FNDC11: variants seen among roughly 807,000 people sequenced by gnomAD.
The protein encoded by FNDC11 is fibronectin type III domain-containing protein 11.
FNDC11 carries 15 observed loss-of-function variants against 15.8 expected under a neutral mutation model. The ratio of observed to expected loss-of-function variants is 0.95; its 90% CI spans 0.63 to 1.46. The LOEUF (loss-of-function observed/expected upper bound fraction) is 1.46, where lower values mean the gene tolerates loss of function less well. Ranked by LOEUF, FNDC11 falls within the 40% of genes most tolerant of loss-of-function variation. The probability of loss-of-function intolerance (pLI) is 0.00; values close to 1 mark genes in which losing one functional copy is unlikely to be tolerated. For synonymous variants in FNDC11, 190 were observed against 203.1 expected (o/e 0.94, Z 0.55); for missense variants, 416 against 443.4 (o/e 0.94, Z 0.55).
At chr20:63,555,610 G>T in intron 1 of FNDC11, 44 bp from the exon 2 acceptor site, 3 of 1,547,762 alleles carry the variant, frequency 1.9e-6, no homozygotes, top group Non-Finnish European at 1.7e-6. Flanking sequence ...ACAGCCCAGG[G>T]GAGGCCAGCC....
upstream of FNDC11, chr20:63,553,698 G>A (rs999919666): frequency 6.4e-6 from 1 of 155,338 alleles, no homozygotes; most frequent in Non-Finnish European, 1.4e-5. Context: ...TCTGTAATGG[G>A]CGGGGCCTTG....
Position 63,555,837 on chromosome 20 carries a change from G to T in FNDC11, c.174G>T (p.Pro58=). Residue 58 remains proline, a synonymous_variant, in exon 2 of 2, where the codon CCG becomes CCT. Coordinates refer to ENST00000370097, the MANE Select transcript of FNDC11 (RefSeq NM_001319152.2). ...AGTTCCTGACCTCGGACCTGAGTCC[G>T]CACCTGCTCAAGCGCCACCACGCCC... ...LREFLTSDLS[P]HLLKRHHARM... is the part of the protein sequence containing the mutation. 6.2e-7 allele frequency: 1 copy of T among 1,613,304 alleles called. No individual in the cohort carries two copies.
At chr20:63,553,560 CGGTG>C (rs2082777806), upstream of FNDC11, among the ~76,000 whole-genome samples, 1 of 37,396 alleles carries the variant, frequency 2.7e-5, no homozygotes, top group Non-Finnish European at 4.4e-5. Flanking sequence ...GGGGAGCCCG[CGGTG>C]GGAGGAGCCT....
upstream of FNDC11, among the ~76,000 whole-genome samples, chr20:63,553,354 T>C (rs992785096): frequency 1.8e-5 from 2 of 113,282 alleles, no homozygotes; most frequent in Non-Finnish European, 3.7e-5. Context: ...GGGAGGAGCC[T>C]GTAGTGGGAG....
upstream of FNDC11, among the ~76,000 whole-genome samples, chr20:63,553,520 AGGAGCCTG>A (rs2082777047): frequency 3.2e-5 from 2 of 62,306 alleles, no homozygotes; most frequent in African/African-American, 1.0e-4. Flanking sequence ...CTGCTCTGGG[AGGAGCCTG>A]TGGTGGGAGG....
chr20:63,555,540 C>T lies in FNDC11; in HGVS notation c.-10-114C>T, dbSNP rs2082799380. 5.6e-6 allele frequency: 8 copies of T among 1,431,830 alleles called. 1 individual carries two copies. Among genetic ancestry groups the T allele is most frequent in the South Asian group, 2.9e-5 (2 of 67,844 alleles). The allele number at this position is 1,431,830 out of a possible 1,614,324, so 88.7% of individuals were successfully genotyped here. ...GCCTCTTCCCATCGAGTTGTGCCCC[C>T]GAAGAAGGACAGAGGTCCAGCATGG... On this transcript the variant is annotated intron_variant, in intron 1 of 1. Coordinates refer to ENST00000370097, the MANE Select transcript of FNDC11 (RefSeq NM_001319152.2).
At chr20:63,553,181 CG>C (rs1328698137), upstream of FNDC11, 4 of 152,814 alleles carry the variant, frequency 2.6e-5, no homozygotes, top group Non-Finnish European at 5.8e-5. Flanking sequence ...TGTGGGGGAA[CG>C]GGGGGATCCC....
At position 63,556,157 on chromosome 20, in the gene FNDC11, A is replaced by G. The variant is rs772460893; in HGVS notation, c.494A>G (p.Asp165Gly). 3 of 1,594,484 alleles carry G rather than the reference A, an allele frequency of 1.9e-6. No homozygotes were observed. In the Admixed American group the frequency reaches 5.0e-5, roughly 27 times the overall value. ...DWALVERRLA[D>G]VSAVMDSFLT... ...GCGCTGGTGGAGCGGCGGCTGGCGG[A>G]CGTGTCGGCCGTCATGGACAGCTTC... The change falls in exon 2 of 2, where the codon GAC becomes GGC. Residue 165 changes from aspartate to glycine, a missense_variant. Asp to Gly is a moderately conservative substitution (Grantham distance 94). Coordinates refer to ENST00000370097, the MANE Select transcript of FNDC11 (RefSeq NM_001319152.2).
At chr20:63,554,989 G>A (rs1212696748) in intron 1 of FNDC11, 4 of 152,428 alleles carry the variant, frequency 2.6e-5, no homozygotes, top group Non-Finnish European at 4.4e-5. Flanking sequence ...CAAGAACCAA[G>A]CTTCTTAGCC....
chr20:63,553,366 A>G (rs1444935226), upstream of FNDC11, among the ~76,000 whole-genome samples: 2 of 143,614 alleles, frequency 1.4e-5, no homozygotes, highest in African/African-American at 5.2e-5. Flanking sequence ...TAGTGGGAGG[A>G]GCCTGTAGTG....
chr20:63,553,161 T>C (rs1027756335), upstream of FNDC11: 1 of 152,586 alleles, frequency 6.6e-6, no homozygotes, highest in African/African-American at 2.4e-5. Context: ...CCCAGCTAGC[T>C]GGGGTGTGCT....
intron 1 of FNDC11, chr20:63,554,758 T>G (rs2082792079): frequency 6.6e-6 from 1 of 152,278 alleles, no homozygotes; most frequent in African/African-American, 2.4e-5. Flanking sequence ...CCTGGGGAAC[T>G]CAGCAACTGC....
In FNDC11 at chr20:63,555,819, G is replaced by A; in HGVS notation, c.156G>A (p.Leu52=). Residue 52 remains leucine (L), a synonymous_variant, in exon 2 of 2, where the codon CTG becomes CTA. Transcript: ENST00000370097. ...TERRNALREF[L]TSDLSPHLLK... ...GCCGCAATGCCCTGCGTGAGTTCCT[G>A]ACCTCGGACCTGAGTCCGCACCTGC... 1 of 1,613,564 alleles carries A rather than the reference G, an allele frequency of 6.2e-7. No individual in the cohort carries two copies. The highest frequency in any genetic ancestry group is 2.2e-5 in the East Asian group (1 of 44,878).
At chr20:63,555,249 C>A (rs763304631) in intron 1 of FNDC11, 6 of 182,558 alleles carry the variant, frequency 3.3e-5, no homozygotes, top group Non-Finnish European at 5.8e-5. Flanking sequence ...GGATGGCCCG[C>A]GAATGTCCCC....
Position 63,556,295 on chromosome 20 carries a change from T to C in FNDC11, c.632T>C (p.Val211Ala). Reference protein sequence around the residue: ...WLMLSTKMPVVFDRKASAAHQ... With the variant: ...WLMLSTKMPVAFDRKASAAHQ... ...ATGCTGAGCACCAAGATGCCTGTCGTGTTTGACCGAAAGGCGTCGGCGGCT... is the reference window on the plus strand; with the variant it reads ...ATGCTGAGCACCAAGATGCCTGTCGCGTTTGACCGAAAGGCGTCGGCGGCT... Residue 211 changes from valine to alanine, a missense_variant, in exon 2 of 2, where the codon GTG becomes GCG. Val to Ala is a moderately conservative substitution (Grantham distance 64). Transcript: ENST00000370097. 2 of 1,603,966 alleles carry C rather than the reference T, an allele frequency of 1.2e-6. No individual in the cohort carries two copies. The highest frequency in any genetic ancestry group is 1.7e-6 in the Non-Finnish European group (2 of 1,172,462).
In FNDC11 at chr20:63,556,179, C is replaced by T. The variant is rs751576851; in HGVS notation, c.516C>T (p.Ser172=). 1.4e-5 allele frequency: 22 copies of T among 1,597,622 alleles called. No homozygotes were observed. Among genetic ancestry groups the T allele is most frequent in the Non-Finnish European group, 1.9e-5 (22 of 1,171,246 alleles). The change falls in exon 2 of 2, where the codon AGC becomes AGT. Residue 172 remains serine, a synonymous_variant. Coordinates refer to ENST00000370097, the MANE Select transcript of FNDC11 (RefSeq NM_001319152.2). ...CGGACGTGTCGGCCGTCATGGACAG[C>T]TTCCTGACCATGATGGTGCCGGGGC... is the stretch of plus-strand genomic sequence containing the variant. ...RLADVSAVMD[S]FLTMMVPGRL...
Position 63,556,325 on chromosome 20 carries a change from A to G in FNDC11, c.662A>G (p.Gln221Arg). The G allele has an allele frequency of 6.2e-7, 1 of 1,609,900 alleles. No homozygotes were observed. The highest frequency in any genetic ancestry group is 8.5e-7 in the Non-Finnish European group (1 of 1,177,498). Residue 221 changes from glutamine (Q) to arginine (R), a missense_variant, in exon 2 of 2, where the codon CAG becomes CGG. Gln to Arg is a conservative substitution (Grantham distance 43, BLOSUM62 1). Transcript: ENST00000370097. ...GACCGAAAGGCGTCGGCGGCTCACC[A>G]GGACTGGGCCCGGCTGCGCTGGTTC... ...VFDRKASAAHQDWARLRWFVT... is the reference protein window; with the variant it reads ...VFDRKASAAHRDWARLRWFVT...
rs942710906 is a variant in FNDC11 at position 63,556,679 on chromosome 20, T to C, written c.*59T>C. On this transcript the variant is annotated 3_prime_UTR_variant, in exon 2 of 2. Coordinates refer to ENST00000370097, the MANE Select transcript of FNDC11 (RefSeq NM_001319152.2). The stretch of plus-strand genomic sequence containing the variant: ...GAAGAGTGTAAATGCACATATGGAA[T>C]TAAAGAAGCAAACCTATTTATGTTT... The C allele has an allele frequency of 1.8e-5, 26 of 1,463,766 alleles. 1 individual carries two copies. The South Asian group carries it at 3.2e-4, about 18-fold the overall frequency. 90.7% of individuals were successfully genotyped at this position (1,463,766 alleles called of 1,614,324 possible).
rs375992607 is a variant in FNDC11, at chr20:63,555,797, G to A, written c.134G>A (p.Arg45His). ...PEAWKTYTER[R>H]NALREFLTSD... ...GCGTGGAAGACCTACACCGAGCGCC[G>A]CAATGCCCTGCGTGAGTTCCTGACC... Residue 45 changes from arginine (R) to histidine (H), a missense_variant, in exon 2 of 2, where the codon CGC becomes CAC. Transcript: ENST00000370097. 51 of 1,613,374 alleles carry A rather than the reference G, an allele frequency of 3.2e-5. No homozygotes were observed. Among genetic ancestry groups the A allele is most frequent in the African/African-American group, 1.5e-4 (11 of 74,948 alleles).
Sources: allele counts gnomAD v4.1 joint callset (sites outside exome capture counted in the v4.1 genomes callset), GRCh38; gene constraint gnomAD v4.1.1; transcripts MANE v1.5; gene names NCBI Gene and HGNC (gene_info 2026-07-23, HGNC 2026-07-21).